STRBP: variants seen among roughly 807,000 people sequenced by gnomAD.
The protein encoded by STRBP is spermatid perinuclear RNA binding protein, also known as spermatid perinuclear RNA-binding protein.
A neutral mutation model predicts 80.1 loss-of-function variants in STRBP; 13 were observed. The ratio of observed to expected loss-of-function variants is 0.16; its 90% confidence interval spans 0.11 to 0.26. The LOEUF (loss-of-function observed/expected upper bound fraction) is 0.26. STRBP is among the 10% of genes least tolerant of loss of function. The pLI is 1.00. For missense variants in STRBP, 485 were observed against 815.2 expected (o/e 0.59, Z 4.93); for synonymous variants, 284 against 291.2 (o/e 0.98, Z 0.25).
chr9:123,226,490 G>A (rs1440314603), intron 2 of STRBP, among the ~76,000 whole-genome samples: 1 of 152,156 alleles, frequency 6.6e-6, no homozygotes, highest in African/African-American at 2.4e-5. Flanking sequence ...GCCATGCCTT[G>A]AAGGTTAAAG....
chr9:123,218,206 TTTC>T (rs1374829793), intron 2 of STRBP, among the ~76,000 whole-genome samples: 1 of 152,154 alleles, frequency 6.6e-6, no homozygotes, highest in African/African-American at 2.4e-5. Context: ...CATAGAATGT[TTTC>T]TTCACTGTTC....
rs1377820910 is a variant in STRBP at position 123,124,886 on chromosome 9, C to G, written c.*711G>C. On this transcript the variant is annotated 3_prime_UTR_variant, in exon 19 of 19. Coordinates refer to ENST00000348403, the MANE Select transcript of STRBP (RefSeq NM_018387.5). ...GTACAACAGGAGTACAAAGGGCTTA[C>G]AAAGTGAGTAGACTGGCTCAAACTA... 1.0e-6 allele frequency: 1 copy of G among 985,394 alleles called. No homozygotes were observed. Among genetic ancestry groups the G allele is most frequent in the Non-Finnish European group, 1.2e-6 (1 of 829,930 alleles). The allele number at this position is 985,394 out of a possible 1,614,324, so 61.0% of individuals were successfully genotyped here.
downstream of STRBP, among the ~76,000 whole-genome samples, chr9:123,119,693 C>T (rs1179508766): frequency 2.6e-5 from 4 of 152,170 alleles, no homozygotes; most frequent in African/African-American, 9.7e-5. Context: ...TCCTCACGTT[C>T]ATCCTCACCT....
downstream of STRBP, among the ~76,000 whole-genome samples, chr9:123,119,496 G>T (rs1183040315): frequency 6.6e-6 from 1 of 151,128 alleles, no homozygotes; most frequent in East Asian, 1.9e-4. Flanking sequence ...TGGATCTGCA[G>T]CAACGCCACC....
At chr9:123,147,446 G>C (rs190989284) in intron 12 of STRBP, among the ~76,000 whole-genome samples, 4 of 151,952 alleles carry the variant, frequency 2.6e-5, no homozygotes, top group Admixed American at 6.6e-5. Flanking sequence ...GAGGCCAAGG[G>C]GGGTGAATTG....
chr9:123,144,415 C>A (rs1014888245), intron 13 of STRBP, among the ~76,000 whole-genome samples: 2 of 151,980 alleles, frequency 1.3e-5, no homozygotes, highest in Non-Finnish European at 2.9e-5. Context: ...CATGTTTATG[C>A]AAAGGAACAT....
intron 2 of STRBP, among the ~76,000 whole-genome samples, chr9:123,214,236 C>G (rs1469084385): frequency 1.3e-5 from 2 of 151,622 alleles, no homozygotes; most frequent in African/African-American, 4.9e-5. Context: ...TCTCAACAAC[C>G]TGGATGGTAC....
chr9:123,220,269 G>A (rs886311311), intron 2 of STRBP, among the ~76,000 whole-genome samples: 1 of 152,164 alleles, frequency 6.6e-6, no homozygotes, highest in African/African-American at 2.4e-5. Context: ...TTTCATCATT[G>A]TGTGACATCA....
intron 2 of STRBP, among the ~76,000 whole-genome samples, chr9:123,233,260 T>C (rs530688830): frequency 6.6e-6 from 1 of 152,034 alleles, no homozygotes; most frequent in Admixed American, 6.5e-5. Flanking sequence ...TTTTTAGAGA[T>C]GGGGGGGTCT....
chr9:123,208,009 G>C (rs1405901097), intron 2 of STRBP, among the ~76,000 whole-genome samples: 1 of 152,102 alleles, frequency 6.6e-6, no homozygotes, highest in Non-Finnish European at 1.5e-5. Context: ...AGCTACTTTA[G>C]CTTTGGTTTT....
chr9:123,245,729 C>A (rs1404198383), intron 1 of STRBP, among the ~76,000 whole-genome samples: 1 of 152,192 alleles, frequency 6.6e-6, no homozygotes. Flanking sequence ...AACGTTCAAT[C>A]AAGAATGAGA....
chr9:123,120,967 A>G (rs2035723551), downstream of STRBP, among the ~76,000 whole-genome samples: 1 of 152,232 alleles, frequency 6.6e-6, no homozygotes, highest in Admixed American at 6.5e-5. Context: ...CTGGTTCCCA[A>G]AGTAGGATAT....
intron 1 of STRBP, among the ~76,000 whole-genome samples, chr9:123,248,267 T>TG (rs1393316519): frequency 2.1e-5 from 3 of 141,590 alleles, no homozygotes; most frequent in African/African-American, 5.3e-5. Context: ...TCGTGTTTTT[T>TG]TTTTTTTTTT....
intron 1 of STRBP, among the ~76,000 whole-genome samples, chr9:123,247,417 G>A (rs1029775588): frequency 5.9e-5 from 9 of 152,032 alleles, no homozygotes; most frequent in African/African-American, 1.2e-4. Context: ...ACAGGCTCCC[G>A]CCACCCCATC....
chr9:123,121,168 C>T (rs1325915279), downstream of STRBP: 1 of 152,110 alleles, frequency 6.6e-6, no homozygotes, highest in African/African-American at 2.4e-5. Context: ...ATGCCAAAGC[C>T]ACATTAAATG....
At chr9:123,114,063 GTTGA>G (rs1335540727) in intron 3 of STRBP, 1 of 167,108 alleles carries the variant, frequency 6.0e-6, no homozygotes, top group African/African-American at 2.4e-5. Context: ...TGTGTAGCCT[GTTGA>G]TTAACAGTGA....
Position 123,126,095 on chromosome 9 carries a change from T to C in STRBP, c.1943-422A>G, listed in dbSNP as rs759444999. ...CAGACCTCAGCTCCAGCTGGAGCCA[T>C]GGCCAGGCGTTTACTTAACTTCTTA... On this transcript the variant is annotated intron_variant, in intron 18 of 18. Transcript: ENST00000348403. This position sits in a 1 kb window ranked among gnomAD's most constrained non-coding sequence, Gnocchi z 4.4. Among the ~76,000 whole-genome samples the C allele has an allele frequency of 2.0e-5, 3 of 152,370 alleles. No homozygotes were observed. The highest frequency in any genetic ancestry group is 1.9e-4 in the East Asian group (1 of 5,186).
chr9:123,117,365 G>A (rs140365837), downstream of STRBP, among the ~76,000 whole-genome samples: 1,820 of 152,188 alleles, frequency 0.012, 12 homozygotes, highest in South Asian at 0.024. Context: ...ACCCACCCAC[G>A]CCTGAGCAGA....
chr9:123,130,500 C>T (rs965763078), intron 17 of STRBP, among the ~76,000 whole-genome samples: 9 of 152,046 alleles, frequency 5.9e-5, no homozygotes, highest in South Asian at 2.1e-4. Flanking sequence ...AGCCATTTAC[C>T]ACTCTAGCAG....
Sources: gnomAD v4.1 joint callset for allele counts (sites outside exome capture counted in the v4.1 genomes callset) on GRCh38, gnomAD v4.1.1 for gene constraint, Gnocchi (gnomAD v3.1) non-coding constraint, MANE v1.5 for transcripts, NCBI Gene and HGNC (gene_info 2026-07-23, HGNC 2026-07-21) for gene names.